The following TXNRD2 variants were observed in gnomAD, a reference collection of about 807,000 sequenced individuals.
TXNRD2 encodes thioredoxin reductase 2, mitochondrial.
TXNRD2 carries 67 observed loss-of-function variants against 70.8 expected under a neutral mutation model. The ratio of observed to expected loss-of-function variants is 0.95; its 90% confidence interval spans 0.78 to 1.16. TXNRD2 has a LOEUF of 1.16. Among genes scored for constraint, TXNRD2 ranks in the 50% most tolerant of loss-of-function variants. The pLI is 0.00. For synonymous variants in TXNRD2, 301 were observed against 295.8 expected (o/e 1.02, Z -0.18); for missense variants, 644 against 719.9 (o/e 0.89, Z 1.21).
chr22:19,920,895 G>A (rs1326673851), intron 2 of TXNRD2, among the ~76,000 whole-genome samples: 1 of 152,194 alleles, frequency 6.6e-6, no homozygotes, highest in Non-Finnish European at 1.5e-5. Context: ...GAGGGCAGGA[G>A]ATCGAGAACA....
intron 2 of TXNRD2, among the ~76,000 whole-genome samples, chr22:19,921,577 G>A (rs1216755726): frequency 6.6e-6 from 1 of 152,096 alleles, no homozygotes; most frequent in African/African-American, 2.4e-5. Context: ...GGTAACAAAG[G>A]ACCTGAGAGA....
chr22:19,909,932 CCACT>C (rs1255557892), intron 8 of TXNRD2, among the ~76,000 whole-genome samples: 1 of 137,702 alleles, frequency 7.3e-6, no homozygotes, highest in Non-Finnish European at 1.6e-5. Flanking sequence ...CACACACACA[CCACT>C]CACACACCAC....
chr22:19,923,668 G>C (rs966913472), intron 2 of TXNRD2, among the ~76,000 whole-genome samples: 1 of 151,956 alleles, frequency 6.6e-6, no homozygotes, highest in African/African-American at 2.4e-5. Flanking sequence ...CAGGTGTGGT[G>C]GTGGGCGCCT....
Position 19,892,707 on chromosome 22 carries a change from G to A in TXNRD2, c.949+2700C>T, listed in dbSNP as rs548380157. 2.0e-5 allele frequency among the ~76,000 whole-genome samples: 3 copies of A among 152,324 alleles called. No homozygotes were observed. In the South Asian group the frequency reaches 6.2e-4, roughly 32 times the overall value. ...CCTTATGCTGTGGGTGAACGGAGGT[G>A]TCAGCAGACAGAGGAGGAGGGCTAG... On this transcript the variant is annotated intron_variant, in intron 11 of 17. Transcript: ENST00000400521.
At chr22:19,909,544 TAACC>T (rs1940228631) in intron 8 of TXNRD2, among the ~76,000 whole-genome samples, 1 of 39,674 alleles carries the variant, frequency 2.5e-5, no homozygotes, top group Non-Finnish European at 4.9e-5. Context: ...CACACACACA[TAACC>T]ACTCACACAC....
chr22:19,903,102 C>G, intron 8 of TXNRD2: 1 of 507,530 alleles, frequency 2.0e-6, no homozygotes, highest in Non-Finnish European at 3.9e-6. Flanking sequence ...GGTGGACAGG[C>G]CTGGCTGGCT....
At chr22:19,937,382 T>A (rs1016359225) in intron 1 of TXNRD2, among the ~76,000 whole-genome samples, 4 of 152,232 alleles carry the variant, frequency 2.6e-5, no homozygotes, top group Non-Finnish European at 4.4e-5. Context: ...ATGAATTATA[T>A]CTTGATTTTT....
At position 19,880,189 on chromosome 22, in the gene TXNRD2, T is replaced by TC; in HGVS notation, c.1264dup (p.Glu422GlyfsTer4). 1 of 1,613,100 alleles carries TC rather than the reference T, an allele frequency of 6.2e-7. No homozygotes were observed. The highest frequency in any genetic ancestry group is 2.2e-5 in the East Asian group (1 of 44,870). Reference sequence around the variant, plus strand: ...GCTCCCAGGCCTCACCTCAACATGCTCCTGCCCGTGGCGAGCCACTGCCTC... The same window carrying TC: ...GCTCCCAGGCCTCACCTCAACATGCTCCCTGCCCGTGGCGAGCCACTGCCTC... On this transcript the variant is annotated frameshift_variant, in exon 14 of 18. Coordinates refer to ENST00000400521, the MANE Select transcript of TXNRD2 (RefSeq NM_006440.5). LOFTEE classifies it high-confidence loss of function.
rs200162480 is a variant in TXNRD2 at position 19,878,392 on chromosome 22, G to A, written c.1321C>T (p.Arg441Ter). 17 of 1,613,782 alleles carry A rather than the reference G, an allele frequency of 1.1e-5. No individual in the cohort carries two copies. The highest frequency in any genetic ancestry group is 2.2e-5 in the East Asian group (1 of 44,888). ...YKPLEFTVAG[R>*]DASQCYVKMV... is the part of the protein sequence containing the mutation. ...TTTACATAACACTGGGATGCATCTCGTCCAGCCACCGTGAACTCCAGTGGT... is the reference window on the plus strand; with the variant it reads ...TTTACATAACACTGGGATGCATCTCATCCAGCCACCGTGAACTCCAGTGGT... Residue 441 changes from arginine to a stop codon, truncating the protein, a stop_gained, in exon 15 of 18, where the codon CGA becomes TGA. Coordinates refer to ENST00000400521, the MANE Select transcript of TXNRD2 (RefSeq NM_006440.5). LOFTEE classifies it high-confidence loss of function.
intron 1 of TXNRD2, 59 bp from the exon 2 acceptor site, chr22:19,931,157 T>A: frequency 6.7e-7 from 1 of 1,500,900 alleles, no homozygotes; most frequent in Non-Finnish European, 9.2e-7. Context: ...TGGTACAGGA[T>A]CAATTTTATC....
At chr22:19,906,482 C>T (rs1262671776) in intron 8 of TXNRD2, among the ~76,000 whole-genome samples, 5 of 151,964 alleles carry the variant, frequency 3.3e-5, no homozygotes, top group African/African-American at 9.7e-5. Flanking sequence ...ATTAGCTGGG[C>T]GTGGTGGCGA....
intron 11 of TXNRD2, among the ~76,000 whole-genome samples, chr22:19,890,027 T>G (rs1434738234): frequency 6.6e-6 from 1 of 152,188 alleles, no homozygotes. Flanking sequence ...CAGATAGCTG[T>G]GGGCTCTGGA....
rs931385036 is a variant in TXNRD2 at position 19,904,815 on chromosome 22, G to C, written c.663-5747C>G. ...CCAGGCACCGTGAGTTGCGCACCTGGCCTCCAGGATGGGACCAGGTAGAAA... is the reference window on the plus strand; with the variant it reads ...CCAGGCACCGTGAGTTGCGCACCTGCCCTCCAGGATGGGACCAGGTAGAAA... On this transcript the variant is annotated intron_variant, in intron 8 of 17. Coordinates refer to ENST00000400521, the MANE Select transcript of TXNRD2 (RefSeq NM_006440.5). Among the ~76,000 whole-genome samples the C allele has an allele frequency of 5.3e-5, 8 of 152,190 alleles. No individual in the cohort carries two copies. In the South Asian group the frequency reaches 1.0e-3, roughly 20 times the overall value.
At chr22:19,940,344 C>G (rs1433657842) in intron 1 of TXNRD2, among the ~76,000 whole-genome samples, 1 of 151,348 alleles carries the variant, frequency 6.6e-6, no homozygotes, top group Non-Finnish European at 1.5e-5. Context: ...GCTCCTCTGG[C>G]GGAAAGGAAT....
At chr22:19,922,393 G>A (rs537298415) in intron 2 of TXNRD2, among the ~76,000 whole-genome samples, 2 of 152,188 alleles carry the variant, frequency 1.3e-5, no homozygotes, top group East Asian at 3.9e-4. Context: ...AGGGGCTTTG[G>A]TCCTGGTTTG....
chr22:19,910,508 A>T (rs952254725), intron 8 of TXNRD2, among the ~76,000 whole-genome samples: 5 of 152,190 alleles, frequency 3.3e-5, no homozygotes, highest in African/African-American at 1.2e-4. Context: ...CCTAGATAAC[A>T]AACAGCTGAC....
intron 14 of TXNRD2, among the ~76,000 whole-genome samples, chr22:19,879,337 C>T (rs1034584248): frequency 1.3e-5 from 2 of 152,118 alleles, no homozygotes; most frequent in African/African-American, 2.4e-5. Flanking sequence ...CAAGCTGCAG[C>T]GGCAGCAAGA....
intron 8 of TXNRD2, among the ~76,000 whole-genome samples, chr22:19,909,776 A>C (rs1170817422): frequency 8.0e-6 from 1 of 125,004 alleles, no homozygotes; most frequent in Admixed American, 8.0e-5. Flanking sequence ...CACACACACC[A>C]CACACACCAC....
At position 19,883,385 on chromosome 22, in the gene TXNRD2, C is replaced by G; in HGVS notation, c.1026G>C (p.Leu342=). 1 of 1,614,064 alleles carries G rather than the reference C, an allele frequency of 6.2e-7. No homozygotes were observed. Among genetic ancestry groups the G allele is most frequent in the Non-Finnish European group, 8.5e-7 (1 of 1,180,032 alleles). ...CAGAGGTGGCTTCCCGGGAGTCCAC[C>G]AGGATCTTCTGAGTGTCGGGGCTAG... ...VDTSPDTQKI[L]VDSREATSVP... is the part of the protein sequence containing the mutation. Residue 342 remains leucine (L), a synonymous_variant, in exon 12 of 18, where the codon CTG becomes CTC. Transcript: ENST00000400521.
Sources: gnomAD v4.1 joint callset for allele counts (sites outside exome capture counted in the v4.1 genomes callset) on GRCh38, gnomAD v4.1.1 for gene constraint, MANE v1.5 for transcripts, NCBI Gene and HGNC (gene_info 2026-07-23, HGNC 2026-07-21) for gene names.